Variants in DDX59 observed in about 807,000 individuals in gnomAD.
DDX59 encodes the protein DEAD-box helicase 59.
Under a neutral mutation model 51.9 loss-of-function variants are expected in DDX59, and 30 were observed. The ratio of observed to expected loss-of-function variants is 0.58; its 90% CI spans 0.43 to 0.78. The LOEUF is 0.78. Ranked by LOEUF, DDX59 falls within the 30% of genes least tolerant of loss-of-function variation. The pLI, the probability that DDX59 is intolerant of heterozygous loss-of-function variation, is 0.00. For synonymous variants in DDX59, 255 were observed against 253.3 expected (o/e 1.01, Z -0.06); for missense variants, 672 against 730.8 (o/e 0.92, Z 0.93).
rs1489805866 is a variant in DDX59 at position 200,650,491 on chromosome 1, A to T, written c.1248T>A (p.Asn416Lys). 3 of 1,614,070 alleles carry T rather than the reference A, an allele frequency of 1.9e-6. No homozygotes were observed. The highest frequency in any genetic ancestry group is 1.7e-5 in the Admixed American group (1 of 60,022). The change falls in exon 5 of 8, where the codon AAT (asparagine) becomes AAA (lysine). Residue 416 changes from asparagine (N) to lysine (K), a missense_variant. Physicochemically the swap from Asn to Lys is moderately conservative, Grantham distance 94 (BLOSUM62 0). Transcript: ENST00000331314. ...ITGEKNLPCA[N>K]VRQIILWVED... ...CTACCCACAAAATAATCTGACGTAC[A>T]TTGGCACAAGGTAGGTTCTTTTCTC...
chr1:200,650,429 A>G lies in DDX59; in HGVS notation c.1310T>C (p.Leu437Ser). 6.2e-7 allele frequency: 1 copy of G among 1,611,550 alleles called. No individual in the cohort carries two copies. Among genetic ancestry groups the G allele is most frequent in the Non-Finnish European group, 8.5e-7 (1 of 1,178,450 alleles). Residue 437 changes from leucine to serine, a missense_variant, in exon 5 of 8, where the codon TTA becomes TCA. Transcript: ENST00000331314. ...GTTAACTGCTTTACTACTCACATTT[A>G]AAATTTCAAATAATTTTTTCTTTTT... ...PAKKKKLFEI[L>S]NDKKLFKPPV...
At chr1:200,653,278 C>T (rs1381340617) in intron 4 of DDX59, among the ~76,000 whole-genome samples, 1 of 152,210 alleles carries the variant, frequency 6.6e-6, no homozygotes, top group Admixed American at 6.5e-5. Context: ...TCAAATTCAA[C>T]ACATTCAAAA....
chr1:200,660,808 C>G (rs1034866568), intron 3 of DDX59, among the ~76,000 whole-genome samples: 1 of 152,120 alleles, frequency 6.6e-6, no homozygotes, highest in Non-Finnish European at 1.5e-5. Flanking sequence ...CAATTTCAAC[C>G]AAACACGGAC....
intron 1 of DDX59, among the ~76,000 whole-genome samples, chr1:200,668,587 A>G (rs150486542): frequency 6.6e-6 from 1 of 152,260 alleles, no homozygotes; most frequent in East Asian, 1.9e-4. Context: ...AAAATGTTTT[A>G]CCCCAAAATA....
chr1:200,643,461 G>A (rs976830421), downstream of DDX59, among the ~76,000 whole-genome samples: 1 of 151,692 alleles, frequency 6.6e-6, no homozygotes, highest in Admixed American at 6.6e-5. Flanking sequence ...GGCTAACACA[G>A]TGAAACCCCA....
intron 4 of DDX59, among the ~76,000 whole-genome samples, chr1:200,658,057 T>A (rs1662145095): frequency 6.6e-6 from 1 of 152,234 alleles, no homozygotes; most frequent in Admixed American, 6.5e-5. Flanking sequence ...ATGTGTTCTA[T>A]CCTACTGCTA....
At chr1:200,648,897 TC>T (rs1170598537) in intron 6 of DDX59, among the ~76,000 whole-genome samples, 176 bp downstream of exon 6, 4 of 152,158 alleles carry the variant, frequency 2.6e-5, no homozygotes, top group Non-Finnish European at 5.9e-5. Context: ...AGGCTATTGC[TC>T]CCCAAACAAA....
At chr1:200,661,890 T>C (rs1197783889) in intron 3 of DDX59, among the ~76,000 whole-genome samples, 1 of 152,200 alleles carries the variant, frequency 6.6e-6, no homozygotes, top group Non-Finnish European at 1.5e-5. Flanking sequence ...GGTGATTGGA[T>C]CATGGGGGCT....
chr1:200,641,213 T>C, downstream of DDX59: 2 of 1,304,794 alleles, frequency 1.5e-6, no homozygotes, highest in Non-Finnish European at 2.0e-6. Flanking sequence ...AAGAGATGCG[T>C]TGATATTAAT....
At chr1:200,645,060 T>A (rs1661214309) in intron 7 of DDX59, among the ~76,000 whole-genome samples, 1 of 152,150 alleles carries the variant, frequency 6.6e-6, no homozygotes, top group Non-Finnish European at 1.5e-5. Flanking sequence ...AGTGATCACA[T>A]AAAATAAAAG....
downstream of DDX59, among the ~76,000 whole-genome samples, chr1:200,642,683 G>A (rs888529100): frequency 1.3e-4 from 20 of 152,192 alleles, no homozygotes; most frequent in Admixed American, 9.2e-4. Context: ...ATTGTGTGGC[G>A]AGAGGGAAGT....
chr1:200,657,489 C>G (rs1307241917), intron 4 of DDX59, among the ~76,000 whole-genome samples: 2 of 152,104 alleles, frequency 1.3e-5, no homozygotes, highest in South Asian at 4.1e-4. Context: ...GTGGCTCACA[C>G]CTGTAATCCC....
chr1:200,656,462 A>G (rs1253022188), intron 4 of DDX59, among the ~76,000 whole-genome samples: 1 of 152,136 alleles, frequency 6.6e-6, no homozygotes, highest in Non-Finnish European at 1.5e-5. Context: ...GCTATTCAGA[A>G]CTTCTCTGTG....
chr1:200,660,896 G>A (rs907192828), intron 3 of DDX59, among the ~76,000 whole-genome samples: 2 of 152,302 alleles, frequency 1.3e-5, no homozygotes, highest in South Asian at 2.1e-4. Context: ...AGGGGATCCT[G>A]GAACCAATCC....
At chr1:200,648,864 T>C (rs549302648) in intron 6 of DDX59, among the ~76,000 whole-genome samples, 47 of 152,332 alleles carry the variant, frequency 3.1e-4, no homozygotes, top group African/African-American at 1.1e-3. Flanking sequence ...AGTAATCTAT[T>C]TAGTATATAT....
At chr1:200,661,965 T>C (rs1378236050) in intron 3 of DDX59, among the ~76,000 whole-genome samples, 2 of 152,086 alleles carry the variant, frequency 1.3e-5, no homozygotes, top group Non-Finnish European at 2.9e-5. Flanking sequence ...TGAGATCTAG[T>C]TGTTTAAAAG....
At chr1:200,647,862 T>G (rs1661384459) in intron 7 of DDX59, among the ~76,000 whole-genome samples, 1 of 151,138 alleles carries the variant, frequency 6.6e-6, no homozygotes, top group Admixed American at 6.6e-5. Context: ...TAATCCAAGT[T>G]ACTTGGGAGG....
intron 4 of DDX59, among the ~76,000 whole-genome samples, chr1:200,656,793 C>T (rs779356698): frequency 1.3e-5 from 2 of 152,194 alleles, no homozygotes; most frequent in Non-Finnish European, 1.5e-5. Flanking sequence ...GTGGCTCACG[C>T]CTGTAATCCC....
chr1:200,646,530 A>G (rs1000319232), intron 7 of DDX59, among the ~76,000 whole-genome samples: 2 of 152,258 alleles, frequency 1.3e-5, no homozygotes, highest in Non-Finnish European at 2.9e-5. Flanking sequence ...ATCATTAGTC[A>G]TTAAAGAAAT....
Sources: gnomAD v4.1 joint callset for allele counts (sites outside exome capture counted in the v4.1 genomes callset) on GRCh38, gnomAD v4.1.1 for gene constraint, MANE v1.5 for transcripts, NCBI Gene and HGNC (gene_info 2026-07-23, HGNC 2026-07-21) for gene names.